Variants in BCAS3 observed in about 807,000 individuals in gnomAD.
The protein encoded by BCAS3 is BCAS3 microtubule associated cell migration factor, also known as BCAS4/BCAS3 fusion.
Under a neutral mutation model 116.1 loss-of-function variants are expected in BCAS3, and 53 were observed. That is an observed-to-expected ratio of 0.46 (90% CI 0.37 to 0.57). The LOEUF is 0.57. Ranked by LOEUF, BCAS3 falls within the 20% of genes least tolerant of loss-of-function variation. BCAS3 has a pLI of 0.00. For synonymous variants in BCAS3, 391 were observed against 408.2 expected (o/e 0.96, Z 0.51); for missense variants, 917 against 1,165.4 (o/e 0.79, Z 3.10).
rs868637556 is a variant in BCAS3 at position 60,967,587 on chromosome 17, G to T, written c.1221+20235G>T. On this transcript the variant is annotated intron_variant, in intron 14 of 23. Coordinates refer to ENST00000407086, the MANE Select transcript of BCAS3 (RefSeq NM_017679.5). The surrounding 1 kb of genome is among the most constrained non-coding windows in gnomAD (Gnocchi z 4.7). ...ATATTTATATCTTTCTTAAGTTTTA[G>T]AAAGTTTTCCATTATTATTTCTTTG... Among the ~76,000 whole-genome samples, 14 of 152,148 alleles carry T rather than the reference G, an allele frequency of 9.2e-5. No homozygotes were observed. The highest frequency in any genetic ancestry group is 3.4e-3 in the Middle Eastern group (1 of 294).
Position 61,281,051 on chromosome 17 carries a change from G to A in BCAS3, c.2426-87276G>A, listed in dbSNP as rs570614546. ...TGCCCAGAGGAAACAATCACTGTCA[G>A]CAGTTTACTGTGTATCATTCCAAAG... On this transcript the variant is annotated intron_variant, in intron 22 of 23. Transcript: ENST00000407086. This position sits in a 1 kb window ranked among gnomAD's most constrained non-coding sequence, Gnocchi z 4.2. 2.9e-4 allele frequency among the ~76,000 whole-genome samples: 44 copies of A among 152,324 alleles called. No homozygotes were observed. Among genetic ancestry groups the A allele is most frequent in the African/African-American group, 8.2e-4 (34 of 41,572 alleles).
At chr17:61,255,720 A>G (rs2049138474) in intron 22 of BCAS3, among the ~76,000 whole-genome samples, 2 of 152,152 alleles carry the variant, frequency 1.3e-5, no homozygotes, top group Admixed American at 6.5e-5. Flanking sequence ...ATTTGACCAC[A>G]CTGTGCAGGG....
chr17:61,254,923 T>C (rs1602221156), intron 22 of BCAS3, among the ~76,000 whole-genome samples: 1 of 152,180 alleles, frequency 6.6e-6, no homozygotes, highest in Non-Finnish European at 1.5e-5. Context: ...AGAAATTCAG[T>C]GAGAACATTT....
chr17:60,958,675 T>G (rs1253690475), intron 14 of BCAS3, among the ~76,000 whole-genome samples: 1 of 152,256 alleles, frequency 6.6e-6, no homozygotes, highest in Non-Finnish European at 1.5e-5. Context: ...GGTTTTCTTT[T>G]GGTTAAACAT....
rs930398190 is a variant in BCAS3 at position 61,285,896 on chromosome 17, A to AT, written c.2426-82422dup. On this transcript the variant is annotated intron_variant, in intron 22 of 23. Transcript: ENST00000407086. The surrounding 1 kb of genome is among the most constrained non-coding windows in gnomAD (Gnocchi z 5.4). The stretch of plus-strand genomic sequence containing the variant: ...TCCTCTAAATTCTAAAGCTCTACCA[A>AT]TTTTTTTTTAGTTTCAAGACTTAGC... Among the ~76,000 whole-genome samples the AT allele has an allele frequency of 5.9e-5, 9 of 151,582 alleles. No homozygotes were observed. Among genetic ancestry groups the AT allele is most frequent in the Non-Finnish European group, 8.8e-5 (6 of 67,824 alleles).
chr17:60,944,527 AG>A (rs2060382772), intron 13 of BCAS3, among the ~76,000 whole-genome samples: 1 of 152,088 alleles, frequency 6.6e-6, no homozygotes, highest in Non-Finnish European at 1.5e-5. Context: ...TGATTATTTG[AG>A]GCCTGGATTA....
intron 22 of BCAS3, among the ~76,000 whole-genome samples, chr17:61,121,864 G>A (rs1023429792): frequency 1.3e-5 from 2 of 152,140 alleles, no homozygotes; most frequent in African/African-American, 4.8e-5. Context: ...CAAGTGGCTG[G>A]GATTACAGGC....
rs2058757359 is a variant in BCAS3 at position 61,366,787 on chromosome 17, C to T, written c.2426-1540C>T. Reference sequence around the variant, plus strand: ...ATTCTCCCAGTGCCAGGAATCTTCCCTACAATTAGGTACGAGATAAATCAA... The same window carrying T: ...ATTCTCCCAGTGCCAGGAATCTTCCTTACAATTAGGTACGAGATAAATCAA... On this transcript the variant is annotated intron_variant, in intron 22 of 23. Transcript: ENST00000407086. This position sits in a 1 kb window ranked among gnomAD's most constrained non-coding sequence, Gnocchi z 4.5. 6.6e-6 allele frequency among the ~76,000 whole-genome samples: 1 copy of T among 152,202 alleles called. No homozygotes were observed. Among genetic ancestry groups the T allele is most frequent in the Non-Finnish European group, 1.5e-5 (1 of 68,044 alleles).
Position 61,380,504 on chromosome 17 carries a change from A to T in BCAS3, c.2594-11473A>T. ...TAAAGGAATATTTTATTTTCAATAC[A>T]GACACAGCCCTTGACGTAGCAGTAA... On this transcript the variant is annotated intron_variant, in intron 23 of 23. Transcript: ENST00000407086. The surrounding 1 kb of genome is among the most constrained non-coding windows in gnomAD (Gnocchi z 4.2). 1 of 1,597,342 alleles carries T rather than the reference A, an allele frequency of 6.3e-7. No individual in the cohort carries two copies. The highest frequency in any genetic ancestry group is 8.5e-7 in the Non-Finnish European group (1 of 1,178,856).
intron 5 of BCAS3, among the ~76,000 whole-genome samples, chr17:60,730,951 A>G (rs915676411): frequency 2.0e-5 from 3 of 152,180 alleles, no homozygotes; most frequent in Non-Finnish European, 4.4e-5. Flanking sequence ...GTGGCCACTC[A>G]TGTAGCTAGG....
chr17:60,811,040 C>G (rs898488419), intron 7 of BCAS3: 12 of 650,810 alleles, frequency 1.8e-5, no homozygotes, highest in Non-Finnish European at 2.0e-5. Context: ...GTTGGAGCTG[C>G]TGCGTTGATT....
rs2081742184 is a variant in BCAS3 at position 61,215,712 on chromosome 17, C to T, written c.2425+131148C>T. On this transcript the variant is annotated intron_variant, in intron 22 of 23. Transcript: ENST00000407086. This position sits in a 1 kb window ranked among gnomAD's most constrained non-coding sequence, Gnocchi z 4.8. The stretch of plus-strand genomic sequence containing the variant: ...TTACCTCCTTAATTTGCTAACCCCT[C>T]AGTTCTTGATATCCAGGCTCCATTA... Among the ~76,000 whole-genome samples the T allele has an allele frequency of 6.6e-6, 1 of 152,180 alleles. No homozygotes were observed. Among genetic ancestry groups the T allele is most frequent in the Non-Finnish European group, 1.5e-5 (1 of 68,022 alleles).
intron 12 of BCAS3, among the ~76,000 whole-genome samples, chr17:60,920,870 AAACAAC>A (rs58062382): frequency 0.14 from 20,785 of 146,398 alleles, 1,601 homozygotes; most frequent in East Asian, 0.22. Flanking sequence ...ACTCCATCGC[AAACAAC>A]AACAACAACA....
intron 6 of BCAS3, among the ~76,000 whole-genome samples, chr17:60,754,381 C>T (rs1377118161): frequency 6.6e-6 from 1 of 151,908 alleles, no homozygotes; most frequent in Non-Finnish European, 1.5e-5. Context: ...ATTACGGAGT[C>T]TTGCTCTGTC....
intron 7 of BCAS3, among the ~76,000 whole-genome samples, chr17:60,838,733 A>G (rs779324151): frequency 6.6e-6 from 1 of 152,218 alleles, no homozygotes; most frequent in Non-Finnish European, 1.5e-5. Context: ...TGACTTCTAT[A>G]TACCGCCATT....
At chr17:61,018,096 C>G (rs1241193932) in intron 16 of BCAS3, among the ~76,000 whole-genome samples, 1 of 152,044 alleles carries the variant, frequency 6.6e-6, no homozygotes. Flanking sequence ...CTTTGTATCT[C>G]AATTTATACC....
chr17:61,209,236 G>A (rs1206256583), intron 22 of BCAS3, among the ~76,000 whole-genome samples: 1 of 151,672 alleles, frequency 6.6e-6, no homozygotes, highest in African/African-American at 2.4e-5. Flanking sequence ...CTTGCTTACA[G>A]TGGACTGTGG....
chr17:60,797,394 G>A (rs79617998), intron 6 of BCAS3, among the ~76,000 whole-genome samples: 7,071 of 150,932 alleles, frequency 0.047, 496 homozygotes, highest in African/African-American at 0.15. Context: ...TTTTTTGTGG[G>A]GTGGGAAACA....
chr17:60,878,503 G>A (rs990790909), intron 9 of BCAS3, among the ~76,000 whole-genome samples: 2 of 152,062 alleles, frequency 1.3e-5, no homozygotes, highest in Non-Finnish European at 2.9e-5. Context: ...GGGTAATGCT[G>A]CATGTATATT....
Sources: gnomAD v4.1 joint callset for allele counts (sites outside exome capture counted in the v4.1 genomes callset) on GRCh38, gnomAD v4.1.1 for gene constraint, Gnocchi (gnomAD v3.1) non-coding constraint, MANE v1.5 for transcripts, NCBI Gene and HGNC (gene_info 2026-07-23, HGNC 2026-07-21) for gene names.